Variants in GRAP2 observed in about 807,000 individuals in gnomAD.
GRAP2 encodes the protein GRB2 related adaptor protein 2, also known as GRB2-related adapter protein 2.
Under a neutral mutation model 43.5 loss-of-function variants are expected in GRAP2, and 31 were observed. The ratio of observed to expected loss-of-function variants is 0.71; its 90% CI spans 0.54 to 0.96. GRAP2 has a LOEUF of 0.96. Ranked by LOEUF, GRAP2 falls within the 40% of genes least tolerant of loss-of-function variation. The pLI is 0.00. For synonymous variants in GRAP2, 156 were observed against 164.8 expected (o/e 0.95, Z 0.41); for missense variants, 371 against 424.4 (o/e 0.87, Z 1.11).
intron 1 of GRAP2, among the ~76,000 whole-genome samples, chr22:39,925,901 T>C (rs2066692421): frequency 1.3e-5 from 2 of 152,218 alleles, no homozygotes; most frequent in African/African-American, 4.8e-5. Flanking sequence ...AGCCTTTACC[T>C]CCCCTCTTAG....
chr22:39,943,654 C>T (rs1004463339), intron 1 of GRAP2, among the ~76,000 whole-genome samples: 3 of 151,884 alleles, frequency 2.0e-5, no homozygotes, highest in Admixed American at 6.6e-5. Context: ...TAAAGCCCAT[C>T]ACTGGCAGGG....
Position 39,945,366 on chromosome 22 carries a change from G to A in GRAP2, c.-14-1727G>A, listed in dbSNP as rs182594798. Among the ~76,000 whole-genome samples the A allele has an allele frequency of 3.9e-5, 6 of 152,282 alleles. No individual in the cohort carries two copies. In the East Asian group the frequency reaches 1.2e-3, roughly 29 times the overall value. Reference sequence around the variant, plus strand: ...AAGATTGAACAATTGTGGAGAATCAGAGAAATGAGCCCCTTGCTATCACCC... The same window carrying A: ...AAGATTGAACAATTGTGGAGAATCAAAGAAATGAGCCCCTTGCTATCACCC... On this transcript the variant is annotated intron_variant, in intron 1 of 7. Coordinates refer to ENST00000344138, the MANE Select transcript of GRAP2 (RefSeq NM_004810.4).
At chr22:39,935,360 A>C (rs1025728616) in intron 1 of GRAP2, among the ~76,000 whole-genome samples, 20 of 152,184 alleles carry the variant, frequency 1.3e-4, no homozygotes, top group African/African-American at 4.3e-4. Context: ...ATTAGGGAAA[A>C]AGACTGACTT....
chr22:39,913,325 G>C (rs1601691359), intron 1 of GRAP2, among the ~76,000 whole-genome samples: 1 of 152,202 alleles, frequency 6.6e-6, no homozygotes, highest in East Asian at 1.9e-4. Flanking sequence ...GTGGATACCA[G>C]GTATGATCTC....
At chr22:39,955,777 T>A in intron 2 of GRAP2, 42 bp from the exon 3 acceptor site, 1 of 980,634 alleles carries the variant, frequency 1.0e-6, no homozygotes, top group Non-Finnish European at 1.7e-6. Context: ...TTTTTTGGTG[T>A]CCTCCCTCCA....
intron 1 of GRAP2, among the ~76,000 whole-genome samples, chr22:39,906,116 C>T (rs940014064): frequency 3.3e-5 from 5 of 151,934 alleles, no homozygotes; most frequent in African/African-American, 1.2e-4. Context: ...ACAATACAAG[C>T]GGGGAGTTAT....
chr22:39,916,254 C>T (rs1336259639), intron 1 of GRAP2, among the ~76,000 whole-genome samples: 1 of 152,252 alleles, frequency 6.6e-6, no homozygotes, highest in African/African-American at 2.4e-5. Context: ...ACTTCATCAC[C>T]TCCGTGAACG....
At chr22:39,930,551 T>C (rs1287928386) in intron 1 of GRAP2, among the ~76,000 whole-genome samples, 1 of 152,232 alleles carries the variant, frequency 6.6e-6, no homozygotes, top group Non-Finnish European at 1.5e-5. Flanking sequence ...CTGTCACTGT[T>C]GTAGTTCAGG....
chr22:39,900,019 C>A (rs1365345769), upstream of GRAP2, among the ~76,000 whole-genome samples: 1 of 151,990 alleles, frequency 6.6e-6, no homozygotes, highest in African/African-American at 2.4e-5. Flanking sequence ...TAGAAAATTA[C>A]TTCCTTTAAC....
At chr22:39,923,973 C>T (rs1042836710) in intron 1 of GRAP2, among the ~76,000 whole-genome samples, 9 of 152,182 alleles carry the variant, frequency 5.9e-5, no homozygotes, top group African/African-American at 1.2e-4. Context: ...AAAAATCCCA[C>T]GTGCTGCTCA....
intron 1 of GRAP2, among the ~76,000 whole-genome samples, chr22:39,923,495 G>A (rs764545304): frequency 5.3e-5 from 8 of 152,078 alleles, no homozygotes; most frequent in Non-Finnish European, 7.4e-5. Flanking sequence ...ATATATCTAC[G>A]GTTCAAGATT....
Position 39,968,262 on chromosome 22 carries a change from A to G in GRAP2, c.680A>G (p.His227Arg), listed in dbSNP as rs2067196641. 2 of 1,613,004 alleles carry G rather than the reference A, an allele frequency of 1.2e-6. No homozygotes were observed. Among genetic ancestry groups the G allele is most frequent in the Non-Finnish European group, 1.7e-6 (2 of 1,179,326 alleles). ...CAGCAGCGATATCTGCAGCACCACCATTTCCACCAGGTATCTGGAAAGAAG... is the reference window on the plus strand; with the variant it reads ...CAGCAGCGATATCTGCAGCACCACCGTTTCCACCAGGTATCTGGAAAGAAG... ...PPQQRYLQHH[H>R]FHQERRGGSL... is the part of the protein sequence containing the mutation. The change falls in exon 6 of 8, where the codon CAT becomes CGT. Residue 227 changes from histidine to arginine, a missense_variant. By Grantham distance (29) the His-to-Arg change is conservative (BLOSUM62 0). Transcript: ENST00000344138.
At position 39,952,569 on chromosome 22, in the gene GRAP2, G is replaced by GC. The variant is rs1233296756; in HGVS notation, c.79-3245dup. 2.0e-5 allele frequency among the ~76,000 whole-genome samples: 3 copies of GC among 152,064 alleles called. No individual in the cohort carries two copies. In the South Asian group the frequency reaches 6.2e-4, roughly 32 times the overall value. ...ACCTAGATTTTCTGCTTCCTCCCTTGCCCCCTCAGCACACACATACCCACA... is the reference window on the plus strand; with the variant it reads ...ACCTAGATTTTCTGCTTCCTCCCTTGCCCCCCTCAGCACACACATACCCACA... On this transcript the variant is annotated intron_variant, in intron 2 of 7. Coordinates refer to ENST00000344138, the MANE Select transcript of GRAP2 (RefSeq NM_004810.4).
At chr22:39,918,513 A>G (rs1000960558) in intron 1 of GRAP2, among the ~76,000 whole-genome samples, 8 of 152,324 alleles carry the variant, frequency 5.3e-5, no homozygotes, top group African/African-American at 1.9e-4. Flanking sequence ...ACTTCTCATT[A>G]TAATAACATT....
chr22:39,894,503 C>A, the GRAP2 span, among the ~76,000 whole-genome samples: 1 of 152,032 alleles, frequency 6.6e-6, no homozygotes, highest in Non-Finnish European at 1.5e-5. Flanking sequence ...ACCAGCATGG[C>A]ACATGAATAC....
intron 4 of GRAP2, 145 bp downstream of exon 4, chr22:39,960,319 C>CCTG: frequency 1.4e-6 from 1 of 706,134 alleles, no homozygotes; most frequent in Non-Finnish European, 2.5e-6. Flanking sequence ...AGCTTCACAA[C>CCTG]CTGCTGCTCC....
chr22:39,961,138 G>C (rs1198452891), intron 4 of GRAP2, among the ~76,000 whole-genome samples: 1 of 151,964 alleles, frequency 6.6e-6, no homozygotes, highest in Admixed American at 6.6e-5. Context: ...TTTCTTTGTA[G>C]AGACTAGGTC....
chr22:39,934,817 C>A (rs1404281975), intron 1 of GRAP2, among the ~76,000 whole-genome samples: 1 of 151,948 alleles, frequency 6.6e-6, no homozygotes, highest in African/African-American at 2.4e-5. Context: ...GCTACAGTGA[C>A]CCATGATCAC....
intron 1 of GRAP2, among the ~76,000 whole-genome samples, chr22:39,940,492 C>T (rs1233135279): frequency 6.6e-6 from 1 of 151,530 alleles, no homozygotes; most frequent in Non-Finnish European, 1.5e-5. Context: ...GGTAGTTGTC[C>T]GTTCTATGCT....
Sources: allele counts gnomAD v4.1 joint callset (sites outside exome capture counted in the v4.1 genomes callset), GRCh38; gene constraint gnomAD v4.1.1; transcripts MANE v1.5; gene names NCBI Gene and HGNC (gene_info 2026-07-23, HGNC 2026-07-21).